Variants in NTN1 observed in about 807,000 individuals in gnomAD.
NTN1 encodes netrin-1.
In NTN1, 11 loss-of-function variants were observed where a neutral mutation model predicts 54.2. That is an observed-to-expected ratio of 0.20 (90% CI 0.13 to 0.34). The LOEUF is 0.34. Ranked by LOEUF, NTN1 falls within the 10% of genes least tolerant of loss-of-function variation. NTN1 has a pLI of 1.00. For missense variants in NTN1, 740 were observed against 893.1 expected (o/e 0.83, Z 2.18); for synonymous variants, 371 against 382.0 (o/e 0.97, Z 0.33).
chr17:9,162,683 A>G (rs1441071180), intron 2 of NTN1, 130 bp from the exon 3 acceptor site: 4 of 832,916 alleles, frequency 4.8e-6, no homozygotes, highest in Admixed American at 2.3e-5. Context: ...CTCCTGGAGC[A>G]CAAGTCTGCC....
chr17:9,166,902 AG>A (rs1356422968), intron 3 of NTN1, among the ~76,000 whole-genome samples: 2 of 150,492 alleles, frequency 1.3e-5, no homozygotes, highest in African/African-American at 4.9e-5. Context: ...AGTGTAGAGG[AG>A]GGGTGGACCC....
chr17:9,182,941 T>G lies in NTN1; in HGVS notation c.1383T>G (p.Thr461=). The G allele has an allele frequency of 6.2e-7, 1 of 1,613,968 alleles. No homozygotes were observed. The highest frequency in any genetic ancestry group is 1.3e-5 in the African/African-American group (1 of 74,998). Residue 461 remains threonine, a synonymous_variant, in exon 5 of 7, where the codon ACT becomes ACG. Transcript: ENST00000173229. ...CIKIPVAPPT[T]AASSVEEPED... ...AGATCCCTGTAGCGCCGCCGACGAC[T>G]GCAGCCAGCAGCGTGGAGGAGCCTG...
chr17:9,210,418 G>A (rs1000157405), intron 5 of NTN1, among the ~76,000 whole-genome samples: 7 of 131,524 alleles, frequency 5.3e-5, no homozygotes, highest in East Asian at 2.1e-4. Flanking sequence ...GCACATGTGC[G>A]TGCACACACA....
intron 2 of NTN1, among the ~76,000 whole-genome samples, chr17:9,067,142 C>T (rs191282794): frequency 2.0e-5 from 3 of 151,980 alleles, no homozygotes; most frequent in African/African-American, 7.2e-5. Context: ...TGGTGCACAC[C>T]TGTAGTCTCA....
intron 2 of NTN1, among the ~76,000 whole-genome samples, chr17:9,040,379 G>A (rs979131800): frequency 7.9e-5 from 12 of 152,020 alleles, no homozygotes; most frequent in African/African-American, 2.9e-4. Context: ...TTATGAAAGG[G>A]ATTTTTTCCT....
chr17:9,181,595 G>C (rs1336613263), intron 4 of NTN1, among the ~76,000 whole-genome samples: 1 of 152,226 alleles, frequency 6.6e-6, no homozygotes, highest in Non-Finnish European at 1.5e-5. Flanking sequence ...ATTGAGGGCT[G>C]TGTCCCCCAC....
At chr17:9,008,120 A>T in the NTN1 span, among the ~76,000 whole-genome samples, 1 of 151,302 alleles carries the variant, frequency 6.6e-6, no homozygotes. Flanking sequence ...ATTCATTCTC[A>T]TTGTCTTATT....
the NTN1 span, among the ~76,000 whole-genome samples, chr17:9,012,545 A>C: frequency 2.6e-5 from 4 of 151,512 alleles, no homozygotes; most frequent in African/African-American, 9.7e-5. Flanking sequence ...ACAAAAAAAA[A>C]AAAACAAGCT....
chr17:9,094,001 G>A (rs1373524190), intron 2 of NTN1, among the ~76,000 whole-genome samples: 1 of 151,848 alleles, frequency 6.6e-6, no homozygotes, highest in Admixed American at 6.6e-5. Context: ...CAAGTTAAAA[G>A]AAAAAAATCA....
At chr17:9,051,795 G>A (rs768029476) in intron 2 of NTN1, among the ~76,000 whole-genome samples, 7 of 152,166 alleles carry the variant, frequency 4.6e-5, no homozygotes, top group Admixed American at 3.9e-4. Context: ...TGTTCATCCT[G>A]TCTAACTGAG....
At chr17:9,074,409 G>T (rs2092042456) in intron 2 of NTN1, among the ~76,000 whole-genome samples, 1 of 152,220 alleles carries the variant, frequency 6.6e-6, no homozygotes, top group Non-Finnish European at 1.5e-5. Flanking sequence ...CATTCCTTGT[G>T]AGGCAGAGCC....
chr17:9,179,781 A>T (rs1339756779), intron 3 of NTN1, 26 bp from the exon 4 acceptor site: 1 of 1,607,792 alleles, frequency 6.2e-7, no homozygotes. Flanking sequence ...CCCTTGTCTG[A>T]CCCTCCCATT....
upstream of NTN1, among the ~76,000 whole-genome samples, chr17:9,019,023 A>G (rs946080166): frequency 6.6e-6 from 1 of 152,184 alleles, no homozygotes; most frequent in African/African-American, 2.4e-5. Context: ...TCTCATGGAC[A>G]CTGGGAATTG....
At chr17:9,152,277 C>G (rs1468732302) in intron 2 of NTN1, among the ~76,000 whole-genome samples, 1 of 152,198 alleles carries the variant, frequency 6.6e-6, no homozygotes, top group Non-Finnish European at 1.5e-5. Context: ...GCTCACTGCC[C>G]TCTGCTAAAT....
rs552396352 is a variant in NTN1 at position 9,232,928 on chromosome 17, G to A, written c.1487-6712G>A. 8.5e-5 allele frequency among the ~76,000 whole-genome samples: 13 copies of A among 152,240 alleles called. No homozygotes were observed. The East Asian group carries it at 1.2e-3, about 14-fold the overall frequency. ...CAGCTCGTGACACGCTTTCCACAGCGGGAGATTTATGGGGCTGTGCGGCTT... is the reference window on the plus strand; with the variant it reads ...CAGCTCGTGACACGCTTTCCACAGCAGGAGATTTATGGGGCTGTGCGGCTT... On this transcript the variant is annotated intron_variant, in intron 6 of 6. Coordinates refer to ENST00000173229, the MANE Select transcript of NTN1 (RefSeq NM_004822.3).
chr17:9,020,938 G>A (rs942910308), upstream of NTN1, among the ~76,000 whole-genome samples: 1 of 152,060 alleles, frequency 6.6e-6, no homozygotes, highest in East Asian at 1.9e-4. Context: ...GACCCCGGGG[G>A]CTTCGGGCAA....
At chr17:9,166,404 C>A (rs939440682) in intron 3 of NTN1, among the ~76,000 whole-genome samples, 1 of 137,620 alleles carries the variant, frequency 7.3e-6, no homozygotes, top group Non-Finnish European at 1.5e-5. Context: ...TGCAGTGGTG[C>A]AATCTCGGCT....
At chr17:9,034,424 T>C (rs1409910890) in intron 2 of NTN1, among the ~76,000 whole-genome samples, 2 of 82,504 alleles carry the variant, frequency 2.4e-5, no homozygotes, top group Non-Finnish European at 5.1e-5. Flanking sequence ...TTTTTTTTTT[T>C]CTTTTTCTTT....
At chr17:9,129,205 G>A (rs888399081) in intron 2 of NTN1, among the ~76,000 whole-genome samples, 6 of 152,130 alleles carry the variant, frequency 3.9e-5, no homozygotes, top group African/African-American at 1.2e-4. Flanking sequence ...GGGTTTAGAG[G>A]GGGTCTGCTG....
Sources: allele counts gnomAD v4.1 joint callset (sites outside exome capture counted in the v4.1 genomes callset), GRCh38; gene constraint gnomAD v4.1.1; transcripts MANE v1.5; gene names NCBI Gene and HGNC (gene_info 2026-07-23, HGNC 2026-07-21).